The following BACH1 variants were observed in gnomAD, a reference collection of about 807,000 sequenced individuals.
BACH1 encodes transcription regulator protein BACH1.
BACH1 carries 35 observed loss-of-function variants against 52.9 expected under a neutral mutation model. That is an observed-to-expected ratio of 0.66 (90% CI 0.51 to 0.88). The LOEUF (loss-of-function observed/expected upper bound fraction) is 0.88, where lower values mean the gene tolerates loss of function less well. Among genes scored for constraint, BACH1 ranks in the 40% least tolerant of loss-of-function variants. The pLI is 0.00. For missense variants in BACH1, 808 were observed against 872.6 expected (o/e 0.93, Z 0.93); for synonymous variants, 321 against 319.6 (o/e 1.00, Z -0.05).
chr21:29,351,015 ATCTTAT>A (rs1267888360), downstream of BACH1, among the ~76,000 whole-genome samples: 1 of 152,200 alleles, frequency 6.6e-6, no homozygotes, highest in Non-Finnish European at 1.5e-5. Context: ...CCTCTTCCTC[ATCTTAT>A]TCTTAAAGTA....
chr21:29,347,867 A>G (rs1355962884), downstream of BACH1, among the ~76,000 whole-genome samples: 2 of 152,242 alleles, frequency 1.3e-5, no homozygotes, highest in African/African-American at 4.8e-5. Context: ...TTGAGATTAG[A>G]TCCCAACATA....
chr21:29,331,587 A>G (rs1040059991), intron 4 of BACH1, among the ~76,000 whole-genome samples: 3 of 152,228 alleles, frequency 2.0e-5, no homozygotes, highest in Middle Eastern at 3.4e-3. Context: ...AAGCCTTGCT[A>G]TCTTTGGGCT....
Position 29,342,828 on chromosome 21 carries a change from G to T in BACH1, c.2206G>T (p.Glu736Ter), listed in dbSNP as rs1171141251. 40 of 1,577,610 alleles carry T rather than the reference G, an allele frequency of 2.5e-5. No homozygotes were observed. Among genetic ancestry groups the T allele is most frequent in the Non-Finnish European group, 3.5e-5 (40 of 1,158,132 alleles). Reference sequence around the variant, plus strand: ...GATGACTGATAAATGTACTACTGATGAGTAAACTTGCATTCACTTCCTTCA... The same window carrying T: ...GATGACTGATAAATGTACTACTGATTAGTAAACTTGCATTCACTTCCTTCA... ...QQMTDKCTTD[E>*] Residue 736 changes from glutamate to a stop codon, truncating the protein, a stop_gained, in exon 5 of 5, where the codon GAG becomes TAG. Transcript: ENST00000286800. LOFTEE classifies it high-confidence loss of function.
intron 1 of BACH1, among the ~76,000 whole-genome samples, chr21:29,317,058 T>C (rs2088795678): frequency 6.6e-6 from 1 of 152,242 alleles, no homozygotes; most frequent in Non-Finnish European, 1.5e-5. Flanking sequence ...CTCCACCTCC[T>C]GTCAGATCAG....
intron 1 of BACH1, among the ~76,000 whole-genome samples, chr21:29,311,011 G>A (rs995650386): frequency 4.6e-5 from 7 of 152,282 alleles, no homozygotes; most frequent in Admixed American, 6.5e-5. Context: ...TATTATGTGC[G>A]TGGTTTTCTG....
intron 2 of BACH1, among the ~76,000 whole-genome samples, chr21:29,355,901 C>A (rs2089231674): frequency 6.6e-6 from 1 of 152,144 alleles, no homozygotes; most frequent in Admixed American, 6.5e-5. Flanking sequence ...CTTACTATCC[C>A]TGACTGATTA....
chr21:29,357,685 G>A (rs1455643958), intron 2 of BACH1, among the ~76,000 whole-genome samples: 4 of 152,148 alleles, frequency 2.6e-5, no homozygotes, highest in African/African-American at 9.7e-5. Context: ...TCCTTACTTA[G>A]GTATGCCACT....
intron 4 of BACH1, among the ~76,000 whole-genome samples, chr21:29,341,911 AC>A (rs774975856): frequency 6.6e-6 from 1 of 152,288 alleles, no homozygotes; most frequent in East Asian, 1.9e-4. Flanking sequence ...CTGTACTTTT[AC>A]TTTTTTTCTT....
chr21:29,357,987 C>G (rs2089245235), intron 2 of BACH1, among the ~76,000 whole-genome samples: 1 of 152,192 alleles, frequency 6.6e-6, no homozygotes, highest in South Asian at 2.1e-4. Context: ...CCCACACGCC[C>G]TGAGAGCTAG....
At chr21:29,308,979 C>T (rs1020945708) in intron 1 of BACH1, among the ~76,000 whole-genome samples, 127 of 152,192 alleles carry the variant, frequency 8.3e-4, no homozygotes, top group African/African-American at 3.0e-3. Context: ...TCACCAGACC[C>T]GGGTGTGGTG....
At position 29,329,674 on chromosome 21, in the gene BACH1, A is replaced by T. The variant is rs755430603; in HGVS notation, c.1757A>T (p.Glu586Val). 6 of 1,532,302 alleles carry T rather than the reference A, an allele frequency of 3.9e-6. No homozygotes were observed. The highest frequency in any genetic ancestry group is 3.8e-5 in the South Asian group (3 of 78,014). The allele number at this position is 1,532,302 out of a possible 1,614,324, so 94.9% of individuals were successfully genotyped here. The change falls in exon 4 of 5, where the codon GAA becomes GTA. Residue 586 changes from glutamate (E) to valine (V), a missense_variant. Transcript: ENST00000286800. ...KRKLDCIQNL[E>V]SEIEKLQSEK... ...AAACTTGACTGTATACAGAATCTTGAATCAGAAATTGAGAAGCTGGTAAGT... is the reference window on the plus strand; with the variant it reads ...AAACTTGACTGTATACAGAATCTTGTATCAGAAATTGAGAAGCTGGTAAGT...
intron 2 of BACH1, chr21:29,359,183 C>G (rs1227656533): frequency 6.6e-6 from 1 of 151,966 alleles, no homozygotes; most frequent in Non-Finnish European, 1.5e-5. Flanking sequence ...AAGCAAAGCA[C>G]TATATTGTAT....
At chr21:29,359,156 C>A (rs189601414) in intron 2 of BACH1, 30 of 151,982 alleles carry the variant, frequency 2.0e-4, no homozygotes, top group African/African-American at 7.2e-4. Context: ...TTTGAATAGA[C>A]CTTTAGAAAT....
chr21:29,328,891 T>C (rs1274084273), intron 3 of BACH1, among the ~76,000 whole-genome samples: 2 of 152,244 alleles, frequency 1.3e-5, no homozygotes, highest in Non-Finnish European at 1.5e-5. Flanking sequence ...TCCTTCTTTT[T>C]ATCAGGCTGA....
chr21:29,321,641 AC>A (rs1447081914), intron 2 of BACH1, 127 bp downstream of exon 2: 1 of 691,956 alleles, frequency 1.4e-6, no homozygotes, highest in Non-Finnish European at 2.1e-6. Context: ...GTTCTGTGCA[AC>A]CCCTTTTTTT....
rs1468045076 is a variant in BACH1 at position 29,341,335 on chromosome 21, C to G, written c.1777-1064C>G. Among the ~76,000 whole-genome samples, 92 of 152,184 alleles carry G rather than the reference C, an allele frequency of 6.0e-4. 1 individual carries two copies. The highest frequency in any genetic ancestry group is 5.9e-5 in the Non-Finnish European group (4 of 68,032). On this transcript the variant is annotated intron_variant, in intron 4 of 4. Coordinates refer to ENST00000286800, the MANE Select transcript of BACH1 (RefSeq NM_001186.4). ...TGAACAGAAAGCAAACAGAACAACA[C>G]TGACTTGTTGAGAGTTGTGATAAAT...
intron 1 of BACH1, among the ~76,000 whole-genome samples, chr21:29,307,862 A>G (rs945325569): frequency 6.6e-6 from 1 of 152,192 alleles, no homozygotes; most frequent in Non-Finnish European, 1.5e-5. Flanking sequence ...AAGGCAGACA[A>G]ATAATGTAAA....
At chr21:29,311,431 T>C (rs2088720318) in intron 1 of BACH1, among the ~76,000 whole-genome samples, 1 of 152,220 alleles carries the variant, frequency 6.6e-6, no homozygotes, top group African/African-American at 2.4e-5. Flanking sequence ...TTTGTTTGTT[T>C]GTTTTTTTAA....
chr21:29,345,164 A>G lies in BACH1; in HGVS notation c.*2331A>G, dbSNP rs1319556719. The G allele has an allele frequency of 6.6e-6, 1 of 152,670 alleles. No homozygotes were observed. Among genetic ancestry groups the G allele is most frequent in the Non-Finnish European group, 1.5e-5 (1 of 68,026 alleles). The allele number at this position is 152,670 out of a possible 1,614,324, so 9.5% of individuals were successfully genotyped here. ...AGTTGTAATGCAGATGGACAGATAAAAAAGATTTTACGTTTGTCTTTTGGC... is the reference window on the plus strand; with the variant it reads ...AGTTGTAATGCAGATGGACAGATAAGAAAGATTTTACGTTTGTCTTTTGGC... On this transcript the variant is annotated 3_prime_UTR_variant, in exon 5 of 5. Transcript: ENST00000286800.
Sources: allele counts gnomAD v4.1 joint callset (sites outside exome capture counted in the v4.1 genomes callset), GRCh38; gene constraint gnomAD v4.1.1; transcripts MANE v1.5; gene names NCBI Gene and HGNC (gene_info 2026-07-23, HGNC 2026-07-21).